PSME4: variants seen among roughly 807,000 people sequenced by gnomAD.
PSME4 encodes proteasome activator subunit 4.
PSME4 carries 89 observed loss-of-function variants against 253.9 expected under a neutral mutation model. The ratio of observed to expected loss-of-function variants is 0.35; its 90% CI spans 0.30 to 0.42. The LOEUF (loss-of-function observed/expected upper bound fraction) is 0.42, where lower values mean the gene tolerates loss of function less well. Among genes scored for constraint, PSME4 ranks in the 10% least tolerant of loss-of-function variants. The pLI, the probability that PSME4 is intolerant of heterozygous loss-of-function variation, is 1.00. For synonymous variants in PSME4, 851 were observed against 759.2 expected (o/e 1.12, Z -1.99); for missense variants, 2,014 against 2,195.2 (o/e 0.92, Z 1.65).
At chr2:53,921,232 T>A (rs962261254) in intron 17 of PSME4, 128 bp from the exon 18 acceptor site, 35 of 1,398,480 alleles carry the variant, frequency 2.5e-5, no homozygotes, top group Non-Finnish European at 3.4e-5. Context: ...ATTTTAGGAT[T>A]GTCACTTTAA....
chr2:53,915,514 T>C (rs903851526), intron 20 of PSME4, among the ~76,000 whole-genome samples: 1 of 152,038 alleles, frequency 6.6e-6, no homozygotes, highest in Non-Finnish European at 1.5e-5. Flanking sequence ...GGAGGATCAC[T>C]TGAGCTCACA....
intron 20 of PSME4, among the ~76,000 whole-genome samples, chr2:53,915,218 A>ATC (rs376089917): frequency 8.6e-4 from 131 of 152,266 alleles, no homozygotes; most frequent in African/African-American, 3.0e-3. Context: ...AGACAGGCAG[A>ATC]TCGCCTGAGC....
chr2:53,943,380 C>T (rs1669545533), intron 3 of PSME4, among the ~76,000 whole-genome samples: 1 of 152,166 alleles, frequency 6.6e-6, no homozygotes, highest in African/African-American at 2.4e-5. Flanking sequence ...GTCAGTTATA[C>T]TTGCCTTCTC....
chr2:53,936,827 T>A lies in PSME4; in HGVS notation c.696A>T (p.Lys232Asn). 1 of 1,586,998 alleles carries A rather than the reference T, an allele frequency of 6.3e-7. No individual in the cohort carries two copies. The highest frequency in any genetic ancestry group is 1.2e-5 in the South Asian group (1 of 86,902). ...GGCCAATTAATTCATCAAACCAAAG[T>A]CTAAAGAAGAAAAATGTTGTTATGA... is the stretch of plus-strand genomic sequence containing the variant. ...LPPELHHKGF[K>N]LWFDELIGLW... Residue 232 changes from lysine to asparagine, a missense_variant and splice_region_variant, in exon 6 of 47, where the codon AAA (lysine) becomes AAT (asparagine). Lys to Asn is a moderately conservative substitution (Grantham distance 94). Coordinates refer to ENST00000404125, the MANE Select transcript of PSME4 (RefSeq NM_014614.3).
chr2:53,866,978 T>C, intron 44 of PSME4, 98 bp from the exon 45 acceptor site: 21 of 1,181,596 alleles, frequency 1.8e-5, no homozygotes, highest in Non-Finnish European at 2.2e-5. Context: ...TTGTTTTCAA[T>C]ATGTGAATTT....
intron 41 of PSME4, among the ~76,000 whole-genome samples, chr2:53,879,066 A>G (rs2104416797): frequency 6.6e-6 from 1 of 151,994 alleles, no homozygotes; most frequent in East Asian, 1.9e-4. Context: ...TCTCTTTTGT[A>G]CTCTGTCCCT....
intron 32 of PSME4, among the ~76,000 whole-genome samples, 177 bp from the exon 33 acceptor site, chr2:53,895,913 C>A (rs1680117701): frequency 6.6e-6 from 1 of 152,106 alleles, no homozygotes; most frequent in Non-Finnish European, 1.5e-5. Flanking sequence ...GAGTAGATGG[C>A]ATTATCTACT....
At chr2:53,958,818 TAA>T (rs74490446) in intron 1 of PSME4, among the ~76,000 whole-genome samples, 4 of 135,860 alleles carry the variant, frequency 2.9e-5, no homozygotes, top group Admixed American at 7.3e-5. Flanking sequence ...AATACATATT[TAA>T]AAAAAAAAAA....
intron 1 of PSME4, among the ~76,000 whole-genome samples, chr2:53,964,925 G>T (rs1451205413): frequency 6.6e-6 from 1 of 151,828 alleles, no homozygotes; most frequent in Non-Finnish European, 1.5e-5. Context: ...AATTCTAAAG[G>T]GTGCCACAGT....
At chr2:53,935,019 C>A (rs891387295) in intron 7 of PSME4, among the ~76,000 whole-genome samples, 4 of 152,078 alleles carry the variant, frequency 2.6e-5, no homozygotes, top group Non-Finnish European at 4.4e-5. Context: ...TATAAAAAGA[C>A]AAAAACATAC....
At position 53,896,866 on chromosome 2, in the gene PSME4, G is replaced by A. The variant is rs763076906; in HGVS notation, c.3626C>T (p.Ala1209Val). ...VVRKMAISAV[A>V]GILKQLKRTH... is the part of the protein sequence containing the mutation. ...TCTTTTTAGCTGTTTAAGGATACCA[G>A]CAACAGCTGAGATAGCCATCTAGAA... The change falls in exon 32 of 47, where the codon GCT (alanine) becomes GTT (valine). Residue 1209 changes from alanine to valine, a missense_variant. By Grantham distance (64) the Ala-to-Val change is moderately conservative. This residue lies in a region of PSME4 where 989 missense variants were observed against 1,021.1 expected (regional missense o/e 0.97). Coordinates refer to ENST00000404125, the MANE Select transcript of PSME4 (RefSeq NM_014614.3). 2.5e-6 allele frequency: 4 copies of A among 1,611,980 alleles called. No individual in the cohort carries two copies. The highest frequency in any genetic ancestry group is 3.4e-6 in the Non-Finnish European group (4 of 1,178,170).
intron 1 of PSME4, among the ~76,000 whole-genome samples, chr2:53,966,879 T>C (rs1362585510): frequency 6.6e-6 from 1 of 152,148 alleles, no homozygotes; most frequent in Non-Finnish European, 1.5e-5. Flanking sequence ...TTCTTAATTT[T>C]AGTAGAGATG....
intron 43 of PSME4, among the ~76,000 whole-genome samples, chr2:53,873,869 G>A (rs1430727042): frequency 1.3e-5 from 2 of 152,120 alleles, no homozygotes; most frequent in East Asian, 1.9e-4. Flanking sequence ...AAGACAGAAC[G>A]AAAACATGCC....
chr2:53,966,716 T>C (rs114222667), intron 1 of PSME4, among the ~76,000 whole-genome samples: 2,005 of 152,156 alleles, frequency 0.013, 38 homozygotes, highest in African/African-American at 0.044. Flanking sequence ...TTTTTCTTTG[T>C]TGTTGTTTTT....
chr2:53,904,965 G>A (rs1680583177), intron 26 of PSME4, among the ~76,000 whole-genome samples: 1 of 148,298 alleles, frequency 6.7e-6, no homozygotes, highest in African/African-American at 2.5e-5. Context: ...TCCAGCCTGG[G>A]TGACAGAGCG....
intron 27 of PSME4, 122 bp downstream of exon 27, chr2:53,903,903 C>A: frequency 1.2e-6 from 1 of 801,036 alleles, no homozygotes; most frequent in Non-Finnish European, 1.9e-6. Flanking sequence ...AAAGCAAATA[C>A]AGCAAAATCT....
At chr2:53,915,564 AT>A (rs1457930735) in intron 20 of PSME4, among the ~76,000 whole-genome samples, 1 of 151,428 alleles carries the variant, frequency 6.6e-6, no homozygotes, top group Non-Finnish European at 1.5e-5. Context: ...GTCTCTCTAT[AT>A]TTTTTTTAAA....
At chr2:53,932,903 G>A (rs1668909340) in intron 8 of PSME4, 143 bp from the exon 9 acceptor site, 1 of 610,432 alleles carries the variant, frequency 1.6e-6, no homozygotes, top group African/African-American at 1.8e-5. Context: ...TTAAATAAGA[G>A]TCAAAAACAA....
chr2:53,923,498 A>G, intron 14 of PSME4, 79 bp from the exon 15 acceptor site: 1 of 1,441,952 alleles, frequency 6.9e-7, no homozygotes, highest in Non-Finnish European at 9.1e-7. Context: ...AAAATGATAA[A>G]TATATTTAGA....
Sources: gnomAD v4.1 joint callset for allele counts (sites outside exome capture counted in the v4.1 genomes callset) on GRCh38, gnomAD v4.1.1 for gene constraint, gnomAD v4.1.1 regional missense constraint, MANE v1.5 for transcripts, NCBI Gene and HGNC (gene_info 2026-07-23, HGNC 2026-07-21) for gene names.